THEMIS: variants seen among roughly 807,000 people sequenced by gnomAD.
THEMIS encodes protein THEMIS.
Under a neutral mutation model 52.6 loss-of-function variants are expected in THEMIS, and 37 were observed. The ratio of observed to expected loss-of-function variants is 0.70; its 90% CI spans 0.54 to 0.93. The LOEUF is 0.93. Among genes scored for constraint, THEMIS ranks in the 40% least tolerant of loss-of-function variants. The pLI, the probability that THEMIS is intolerant of heterozygous loss-of-function variation, is 0.00. For synonymous variants in THEMIS, 292 were observed against 272.7 expected (o/e 1.07, Z -0.70); for missense variants, 808 against 763.1 (o/e 1.06, Z -0.69).
downstream of THEMIS, among the ~76,000 whole-genome samples, chr6:127,707,662 G>A (rs962268146): frequency 1.3e-5 from 2 of 152,046 alleles, no homozygotes; most frequent in African/African-American, 2.4e-5. Flanking sequence ...CCAGCCTACC[G>A]GGGTTATAAT....
intron 4 of THEMIS, among the ~76,000 whole-genome samples, chr6:127,801,246 G>C (rs1334708860): frequency 6.6e-6 from 1 of 152,172 alleles, no homozygotes; most frequent in Non-Finnish European, 1.5e-5. Flanking sequence ...GAAGCTCCTT[G>C]GTTGCTCCTA....
In THEMIS at chr6:127,894,847, A is replaced by G. The variant is rs180784348; in HGVS notation, c.91+5995T>C. ...TAACTCATTTTCGGAAGCTAATGTT[A>G]TCTTAAATCTAAAATGAATAAGTCT... On this transcript the variant is annotated intron_variant, in intron 1 of 5. Coordinates refer to ENST00000368248, the MANE Select transcript of THEMIS (RefSeq NM_001010923.3). Among the ~76,000 whole-genome samples, 346 of 151,550 alleles carry G rather than the reference A, an allele frequency of 2.3e-3. 1 individual carries two copies. Among genetic ancestry groups the G allele is most frequent in the African/African-American group, 8.0e-3 (334 of 41,526 alleles).
chr6:127,774,609 T>C (rs1776497120), intron 4 of THEMIS, among the ~76,000 whole-genome samples: 2 of 152,334 alleles, frequency 1.3e-5, no homozygotes, highest in African/African-American at 4.8e-5. Flanking sequence ...ACATATGTAC[T>C]ATGGTAGAAC....
chr6:127,730,716 T>C (rs1774763535), intron 4 of THEMIS, among the ~76,000 whole-genome samples: 1 of 152,176 alleles, frequency 6.6e-6, no homozygotes, highest in Non-Finnish European at 1.5e-5. Flanking sequence ...TGAAAGCATA[T>C]AACATCAAAA....
chr6:127,752,433 A>G (rs1253820675), intron 4 of THEMIS, among the ~76,000 whole-genome samples: 2 of 151,152 alleles, frequency 1.3e-5, no homozygotes, highest in Non-Finnish European at 3.0e-5. Context: ...AAGAAGACTC[A>G]AATAAAAATA....
intron 3 of THEMIS, among the ~76,000 whole-genome samples, chr6:127,815,396 T>C (rs1778092810): frequency 6.6e-6 from 1 of 152,174 alleles, no homozygotes; most frequent in African/African-American, 2.4e-5. Context: ...CATATATTAC[T>C]TTTAATATTA....
At chr6:127,719,523 T>A (rs910301525) in intron 5 of THEMIS, among the ~76,000 whole-genome samples, 165 bp downstream of exon 5, 1 of 151,962 alleles carries the variant, frequency 6.6e-6, no homozygotes, top group Non-Finnish European at 1.5e-5. Context: ...TTCAATATCA[T>A]GCTTCACATA....
At chr6:127,787,864 TAGATAGATAGATAGATATAG>T (rs1562257929) in intron 4 of THEMIS, among the ~76,000 whole-genome samples, 11 of 130,570 alleles carry the variant, frequency 8.4e-5, no homozygotes, top group East Asian at 4.4e-4. Flanking sequence ...GATAGATAGA[TAGATAGATAGATAGATATAG>T]ATAGATAGAT....
the THEMIS span, among the ~76,000 whole-genome samples, chr6:127,698,650 C>T: frequency 6.6e-6 from 1 of 152,004 alleles, no homozygotes; most frequent in Non-Finnish European, 1.5e-5. Flanking sequence ...AGGACCTATT[C>T]TCCTGTTGTG....
chr6:127,717,576 A>C (rs1774212727), intron 5 of THEMIS, among the ~76,000 whole-genome samples: 1 of 151,936 alleles, frequency 6.6e-6, no homozygotes, highest in South Asian at 2.1e-4. Flanking sequence ...GGCTGACAGC[A>C]CTGATCCTGA....
chr6:127,855,185 G>C lies in THEMIS; in HGVS notation c.95C>G (p.Ser32Cys). Reference sequence around the variant, plus strand: ...TTCATTTCCAAACATTTCATAAATAGAGCCTAAAAGGAAAGAAAAGTTAAA... The same window carrying C: ...TTCATTTCCAAACATTTCATAAATACAGCCTAAAAGGAAAGAAAAGTTAAA... ...EIQAGIYLEG[S>C]IYEMFGNECC... The change falls in exon 2 of 6, where the codon TCT becomes TGT. Residue 32 changes from serine (S) to cysteine (C), a missense_variant. Coordinates refer to ENST00000368248, the MANE Select transcript of THEMIS (RefSeq NM_001010923.3). The C allele has an allele frequency of 6.3e-7, 1 of 1,585,644 alleles. No homozygotes were observed. The highest frequency in any genetic ancestry group is 8.5e-7 in the Non-Finnish European group (1 of 1,169,970).
chr6:127,703,650 T>C (rs1405615092), downstream of THEMIS, among the ~76,000 whole-genome samples: 1 of 152,222 alleles, frequency 6.6e-6, no homozygotes, highest in Non-Finnish European at 1.5e-5. Flanking sequence ...TATCTAGCTC[T>C]CATTCTTTAT....
Position 127,900,702 on chromosome 6 carries a change from C to T in THEMIS, c.91+140G>A, listed in dbSNP as rs1583411306. On this transcript the variant is annotated intron_variant, in intron 1 of 5. Transcript: ENST00000368248. ...CATTGGCTTTTGACGATTCGTTGGT[C>T]AGTTCATTACTTTCTTTTGTGATCG... The T allele has an allele frequency of 1.0e-5, 7 of 700,898 alleles. No individual in the cohort carries two copies. The East Asian group carries it at 1.9e-4, about 19-fold the overall frequency. The allele number at this position is 700,898 out of a possible 1,614,324, so 43.4% of individuals were successfully genotyped here. A position where few individuals can be genotyped will look rare whatever the true frequency, so the allele number is the denominator to read the frequency against.
intron 4 of THEMIS, among the ~76,000 whole-genome samples, chr6:127,764,173 T>C (rs1776116054): frequency 6.6e-6 from 1 of 151,946 alleles, no homozygotes; most frequent in Non-Finnish European, 1.5e-5. Flanking sequence ...TACCTGGCAT[T>C]GCACAAACTT....
chr6:127,772,468 C>A (rs79890614), intron 4 of THEMIS, among the ~76,000 whole-genome samples: 10,574 of 152,044 alleles, frequency 0.07, 374 homozygotes, highest in Non-Finnish European at 0.086. Flanking sequence ...GAAACAGGAT[C>A]ATTTGTCCAC....
At chr6:127,733,288 C>A (rs1307147145) in intron 4 of THEMIS, among the ~76,000 whole-genome samples, 1 of 152,130 alleles carries the variant, frequency 6.6e-6, no homozygotes, top group Non-Finnish European at 1.5e-5. Context: ...GCTTCCTCTG[C>A]TTTGTACCTT....
intron 4 of THEMIS, among the ~76,000 whole-genome samples, chr6:127,766,440 G>C (rs1776202017): frequency 6.6e-6 from 1 of 152,090 alleles, no homozygotes; most frequent in Admixed American, 6.6e-5. Flanking sequence ...ATCAGAGTTA[G>C]CCTCCTTTGT....
At chr6:127,859,658 G>C (rs1779731312) in intron 1 of THEMIS, among the ~76,000 whole-genome samples, 1 of 152,062 alleles carries the variant, frequency 6.6e-6, no homozygotes, top group Non-Finnish European at 1.5e-5. Context: ...TGGTATGTTT[G>C]ATATCAAATA....
At chr6:127,897,727 C>G (rs1169498074) in intron 1 of THEMIS, among the ~76,000 whole-genome samples, 1 of 151,440 alleles carries the variant, frequency 6.6e-6, no homozygotes, top group Non-Finnish European at 1.5e-5. Context: ...ACTTGCTTTT[C>G]ATTAGCTTCC....
Sources: allele counts gnomAD v4.1 joint callset (sites outside exome capture counted in the v4.1 genomes callset), GRCh38; gene constraint gnomAD v4.1.1; transcripts MANE v1.5; gene names NCBI Gene and HGNC (gene_info 2026-07-23, HGNC 2026-07-21).